HIVEP1: variants seen among roughly 807,000 people sequenced by gnomAD.
The protein encoded by HIVEP1 is zinc finger protein 40.
In HIVEP1, 36 loss-of-function variants were observed where a neutral mutation model predicts 180.0. The observed-to-expected ratio is 0.20, with a 90% CI of 0.15 to 0.26. The LOEUF is 0.26. Among genes scored for constraint, HIVEP1 ranks in the 10% least tolerant of loss-of-function variants. The probability of loss-of-function intolerance (pLI) is 1.00; values close to 1 mark genes in which losing one functional copy is unlikely to be tolerated. For synonymous variants in HIVEP1, 1,239 were observed against 1,239.0 expected (o/e 1.00, Z 0.00); for missense variants, 3,143 against 3,268.7 (o/e 0.96, Z 0.94).
chr6:12,018,261 G>A (rs533766035), intron 2 of HIVEP1, among the ~76,000 whole-genome samples: 1 of 152,316 alleles, frequency 6.6e-6, no homozygotes, highest in Admixed American at 6.5e-5. Context: ...TCCTGCCCGC[G>A]CTTCTTCCTC....
chr6:12,053,891 G>A (rs974670017), intron 2 of HIVEP1, among the ~76,000 whole-genome samples: 1 of 152,096 alleles, frequency 6.6e-6, no homozygotes, highest in Non-Finnish European at 1.5e-5. Context: ...TTTACTTAAG[G>A]TCATTATTTT....
At position 12,133,600 on chromosome 6, in the gene HIVEP1, A is replaced by G. The variant is rs1025299596; in HGVS notation, c.6386-2191A>G. ...GAGAAAATATGCTTACTAAAAACTTATATTTCTGAATTTGTCTAGTTACAA... is the reference window on the plus strand; with the variant it reads ...GAGAAAATATGCTTACTAAAAACTTGTATTTCTGAATTTGTCTAGTTACAA... On this transcript the variant is annotated intron_variant, in intron 6 of 8. Transcript: ENST00000379388. 3.3e-5 allele frequency among the ~76,000 whole-genome samples: 5 copies of G among 152,240 alleles called. No individual in the cohort carries two copies. In the South Asian group the frequency reaches 6.2e-4, roughly 19 times the overall value.
chr6:12,041,278 C>T (rs765098559), intron 2 of HIVEP1, among the ~76,000 whole-genome samples: 4 of 151,816 alleles, frequency 2.6e-5, no homozygotes, highest in East Asian at 1.9e-4. Context: ...AAACACTAGC[C>T]GGGCATGGTG....
At chr6:12,125,989 A>G (rs1758046531) in intron 4 of HIVEP1, 119 bp downstream of exon 4, 1 of 648,680 alleles carries the variant, frequency 1.5e-6, no homozygotes, top group South Asian at 2.0e-5. Flanking sequence ...ATTGTGCTGT[A>G]AATGTCTTAT....
chr6:12,075,590 C>CTTT (rs11299317), intron 2 of HIVEP1, among the ~76,000 whole-genome samples: 2 of 144,046 alleles, frequency 1.4e-5, no homozygotes, highest in African/African-American at 5.1e-5. Flanking sequence ...CAGATTGGGC[C>CTTT]TTTTTTTTTT....
At chr6:12,178,476 T>G in the HIVEP1 span, among the ~76,000 whole-genome samples, 1 of 152,154 alleles carries the variant, frequency 6.6e-6, no homozygotes, top group Non-Finnish European at 1.5e-5. Context: ...AGAAAAAATA[T>G]AAATGGACAA....
At chr6:12,190,780 C>T in the HIVEP1 span, among the ~76,000 whole-genome samples, 3 of 152,050 alleles carry the variant, frequency 2.0e-5, no homozygotes, top group African/African-American at 4.8e-5. Context: ...ATTCTCTTGT[C>T]GACACCTGTA....
intron 2 of HIVEP1, among the ~76,000 whole-genome samples, chr6:12,025,178 A>G (rs892670942): frequency 2.0e-5 from 3 of 152,172 alleles, no homozygotes; most frequent in Non-Finnish European, 4.4e-5. Context: ...CATCATGCTT[A>G]TACTTGCTGA....
At chr6:12,050,443 G>A (rs756115591) in intron 2 of HIVEP1, among the ~76,000 whole-genome samples, 7 of 152,042 alleles carry the variant, frequency 4.6e-5, no homozygotes, top group Non-Finnish European at 7.4e-5. Flanking sequence ...AACACTAGCC[G>A]GGCGTAGTGG....
In HIVEP1 at chr6:12,121,807, C is replaced by T. The variant is rs745899267; in HGVS notation, c.2012C>T (p.Thr671Met). 2.7e-5 allele frequency: 44 copies of T among 1,614,028 alleles called. No homozygotes were observed. The highest frequency in any genetic ancestry group is 1.6e-4 in the Middle Eastern group (1 of 6,084). The change falls in exon 4 of 9, where the codon ACG (threonine) becomes ATG (methionine). Residue 671 changes from threonine (T) to methionine (M), a missense_variant. Thr to Met is a moderately conservative substitution (Grantham distance 81). Around this residue, in one of 12 missense-constraint regions of HIVEP1, gnomAD observed 365 missense variants for 344.4 expected, o/e 1.06. Coordinates refer to ENST00000379388, the MANE Select transcript of HIVEP1 (RefSeq NM_002114.4). This position sits in a 1 kb window ranked among gnomAD's most constrained non-coding sequence, Gnocchi z 5.3. ...CTGAGTCCTCGAAGTTTAGGAAGTA[C>T]GGATTCTGGTTACTTTTCACGTTCT... ...KLLSPRSLGSTDSGYFSRSES... is the reference protein window; with the variant it reads ...KLLSPRSLGSMDSGYFSRSES...
At chr6:12,055,080 A>G (rs1188644699) in intron 2 of HIVEP1, among the ~76,000 whole-genome samples, 1 of 152,242 alleles carries the variant, frequency 6.6e-6, no homozygotes, top group Non-Finnish European at 1.5e-5. Flanking sequence ...AGTAATTAAT[A>G]CATTATTATA....
chr6:12,176,030 C>T, the HIVEP1 span, among the ~76,000 whole-genome samples: 2 of 152,188 alleles, frequency 1.3e-5, no homozygotes, highest in South Asian at 4.1e-4. Context: ...GCGAGGAGCC[C>T]GTCAGCCACT....
intron 2 of HIVEP1, among the ~76,000 whole-genome samples, chr6:12,075,627 A>C (rs2113799185): frequency 6.6e-6 from 1 of 151,994 alleles, no homozygotes; most frequent in African/African-American, 2.4e-5. Flanking sequence ...GGAAGTTTTA[A>C]AATGATTACA....
In HIVEP1 at chr6:12,124,133, A is replaced by G; in HGVS notation, c.4338A>G (p.Val1446=). ...CCCCAGATAGTCATCTGTCTCCTGT[A>G]CACCCAACATCTTTCCAAAATACTG... ...NIAPDSHLSP[V]HPTSFQNTAL... Residue 1446 remains valine (V), a synonymous_variant, in exon 4 of 9, where the codon GTA becomes GTG. Coordinates refer to ENST00000379388, the MANE Select transcript of HIVEP1 (RefSeq NM_002114.4). The G allele has an allele frequency of 6.2e-7, 1 of 1,614,146 alleles. No homozygotes were observed. The highest frequency in any genetic ancestry group is 8.5e-7 in the Non-Finnish European group (1 of 1,180,016).
chr6:12,130,344 TAACC>T (rs1758348916), intron 5 of HIVEP1, among the ~76,000 whole-genome samples: 1 of 152,214 alleles, frequency 6.6e-6, no homozygotes, highest in Non-Finnish European at 1.5e-5. Flanking sequence ...GAACAAATTT[TAACC>T]AATGACTTGG....
the HIVEP1 span, among the ~76,000 whole-genome samples, chr6:12,200,829 T>A: frequency 6.6e-6 from 1 of 152,270 alleles, no homozygotes; most frequent in Non-Finnish European, 1.5e-5. Flanking sequence ...CTTTGTAATA[T>A]CACCATTGTT....
Position 12,125,124 on chromosome 6 carries a change from G to A in HIVEP1, c.5329G>A (p.Val1777Met), listed in dbSNP as rs760693696. 14 of 1,613,524 alleles carry A rather than the reference G, an allele frequency of 8.7e-6. No individual in the cohort carries two copies. The highest frequency in any genetic ancestry group is 2.2e-5 in the South Asian group (2 of 90,906). ...AAATGGAGCTGTTTGTGCAACAGAC[G>A]TGAGACCTTTAGAGGCTTTGAGTTC... ...DENGAVCATD[V>M]RPLEALSSRV... Residue 1777 changes from valine to methionine, a missense_variant, in exon 4 of 9, where the codon GTG becomes ATG. This residue lies in a region of HIVEP1 where 1,357 missense variants were observed against 1,260.5 expected (regional missense o/e 1.08). Coordinates refer to ENST00000379388, the MANE Select transcript of HIVEP1 (RefSeq NM_002114.4).
chr6:12,056,058 G>T (rs939734211), intron 2 of HIVEP1, among the ~76,000 whole-genome samples: 2 of 152,096 alleles, frequency 1.3e-5, no homozygotes, highest in African/African-American at 4.8e-5. Flanking sequence ...CTAGGCACTT[G>T]TTCTAGGGGC....
chr6:12,184,532 G>C, the HIVEP1 span, among the ~76,000 whole-genome samples: 3 of 152,164 alleles, frequency 2.0e-5, no homozygotes, highest in African/African-American at 7.2e-5. Flanking sequence ...CATTTGGGCA[G>C]ACCATGTTTG....
Sources: gnomAD v4.1 joint callset for allele counts (sites outside exome capture counted in the v4.1 genomes callset) on GRCh38, gnomAD v4.1.1 for gene constraint, gnomAD v4.1.1 regional missense constraint, Gnocchi (gnomAD v3.1) non-coding constraint, MANE v1.5 for transcripts, NCBI Gene and HGNC (gene_info 2026-07-23, HGNC 2026-07-21) for gene names.